The following PDSS2 variants were observed in gnomAD, a reference collection of about 807,000 sequenced individuals.
PDSS2 encodes all trans-polyprenyl-diphosphate synthase PDSS2.
PDSS2 carries 31 observed loss-of-function variants against 44.5 expected under a neutral mutation model. The observed-to-expected ratio is 0.70, with a 90% confidence interval of 0.52 to 0.94. The LOEUF is 0.94. Among genes scored for constraint, PDSS2 ranks in the 40% least tolerant of loss-of-function variants. The pLI is 0.00. For synonymous variants in PDSS2, 157 were observed against 180.3 expected, an observed-to-expected ratio of 0.87 and a Z score of 1.03; for missense variants, 452 against 482.2, an observed-to-expected ratio of 0.94 and a Z score of 0.59.
At chr6:107,320,765 A>G (rs1777355572) in intron 2 of PDSS2, among the ~76,000 whole-genome samples, 1 of 152,234 alleles carries the variant, frequency 6.6e-6, no homozygotes. Context: ...ACAATAATAC[A>G]TGGAGCACTT....
chr6:107,184,727 T>A (rs1772103103), intron 7 of PDSS2, among the ~76,000 whole-genome samples: 1 of 152,166 alleles, frequency 6.6e-6, no homozygotes, highest in Non-Finnish European at 1.5e-5. Flanking sequence ...TCTGGAACCC[T>A]GAGCAAATTC....
chr6:107,164,608 A>G (rs566421570), intron 7 of PDSS2, among the ~76,000 whole-genome samples: 94 of 152,264 alleles, frequency 6.2e-4, no homozygotes, highest in Non-Finnish European at 1.2e-3. Flanking sequence ...GCTATTGTGA[A>G]TAGTGCCGCA....
intron 1 of PDSS2, among the ~76,000 whole-genome samples, chr6:107,349,751 A>AAAAC (rs34141361): frequency 0.29 from 44,688 of 151,542 alleles, 7,551 homozygotes; most frequent in Middle Eastern, 0.49. Context: ...CTCAGCCTCA[A>AAAAC]AAACAAACAA....
chr6:107,365,384 C>A (rs570726444), intron 1 of PDSS2, among the ~76,000 whole-genome samples: 1 of 151,744 alleles, frequency 6.6e-6, no homozygotes, highest in Non-Finnish European at 1.5e-5. Flanking sequence ...CTAAAAAAAA[C>A]ACAAATTGAA....
intron 2 of PDSS2, among the ~76,000 whole-genome samples, chr6:107,312,108 T>C (rs1211403251): frequency 6.6e-6 from 1 of 152,216 alleles, no homozygotes; most frequent in African/African-American, 2.4e-5. Context: ...AATAGCACAG[T>C]GCATGCAGCG....
chr6:107,236,909 G>T (rs780067846), intron 4 of PDSS2, among the ~76,000 whole-genome samples: 1 of 151,860 alleles, frequency 6.6e-6, no homozygotes. Context: ...GCAGGTAGAA[G>T]ACAGTCCTTA....
chr6:107,388,422 C>T (rs992869957), intron 1 of PDSS2, among the ~76,000 whole-genome samples: 2 of 151,120 alleles, frequency 1.3e-5, no homozygotes, highest in East Asian at 3.9e-4. Context: ...TGAAAACTTA[C>T]GTTCATGTAA....
intron 1 of PDSS2, among the ~76,000 whole-genome samples, chr6:107,434,375 T>G (rs1001689704): frequency 2.6e-5 from 4 of 152,164 alleles, no homozygotes; most frequent in Non-Finnish European, 5.9e-5. Flanking sequence ...AACAGATGAG[T>G]GCATAAAGCA....
chr6:107,357,143 G>C (rs1454303434), intron 1 of PDSS2, among the ~76,000 whole-genome samples: 1 of 152,084 alleles, frequency 6.6e-6, no homozygotes, highest in Admixed American at 6.6e-5. Flanking sequence ...ATGCGCACAG[G>C]AGACAGGGAG....
intron 3 of PDSS2, among the ~76,000 whole-genome samples, chr6:107,250,866 T>G (rs1385220576): frequency 2.6e-5 from 4 of 152,172 alleles, no homozygotes; most frequent in African/African-American, 9.7e-5. Context: ...TAAATTTTTT[T>G]TTTTTTGGAG....
At chr6:107,398,388 C>T (rs1780010974) in intron 1 of PDSS2, among the ~76,000 whole-genome samples, 1 of 152,096 alleles carries the variant, frequency 6.6e-6, no homozygotes, top group Non-Finnish European at 1.5e-5. Context: ...TATTAATGTT[C>T]ACATGTAATG....
chr6:107,274,667 C>CTTTTTTTTTTTTTTTTTTTTT (rs5878910), intron 2 of PDSS2, among the ~76,000 whole-genome samples: 3 of 106,556 alleles, frequency 2.8e-5, no homozygotes, highest in Non-Finnish European at 3.9e-5. Flanking sequence ...ATCTCTCTCT[C>CTTTTTTTTTTTTTTTTTTTTT]TTTTTTTTTT....
Position 107,420,661 on chromosome 6 carries a change from C to T in PDSS2, c.296+38329G>A, listed in dbSNP as rs142358376. ...AATAAAATAGAAGCTTGACTTAAAA[C>T]GCACACCGCATACAAAGATCAATGC... On this transcript the variant is annotated intron_variant, in intron 1 of 7. Coordinates refer to ENST00000369037, the MANE Select transcript of PDSS2 (RefSeq NM_020381.4). Among the ~76,000 whole-genome samples, 257 of 152,204 alleles carry T rather than the reference C, an allele frequency of 1.7e-3. 1 individual carries two copies. Among genetic ancestry groups the T allele is most frequent in the Non-Finnish European group, 2.9e-3 (199 of 68,004 alleles).
chr6:107,306,401 G>T (rs1776861155), intron 2 of PDSS2, among the ~76,000 whole-genome samples: 1 of 152,158 alleles, frequency 6.6e-6, no homozygotes, highest in Non-Finnish European at 1.5e-5. Context: ...GATGTGACTT[G>T]CTCCTCCTTG....
rs925148714 is a variant in PDSS2 at position 107,224,608 on chromosome 6, TAGAG to T, written c.703-12330_703-12327del. Reference sequence around the variant, plus strand: ...ATATACAGTTAGAGTAAAATATATATAGAGAGAGTAAAATATACATCTTCACTTA... The same window carrying T: ...ATATACAGTTAGAGTAAAATATATATAGAGTAAAATATACATCTTCACTTA... On this transcript the variant is annotated intron_variant, in intron 4 of 7. Coordinates refer to ENST00000369037, the MANE Select transcript of PDSS2 (RefSeq NM_020381.4). Among the ~76,000 whole-genome samples, 63 of 151,156 alleles carry T rather than the reference TAGAG, an allele frequency of 4.2e-4. 2 individuals are homozygous for T. The highest frequency in any genetic ancestry group is 1.4e-3 in the African/African-American group (57 of 40,624).
At chr6:107,257,679 G>A (rs1775071974) in intron 3 of PDSS2, among the ~76,000 whole-genome samples, 1 of 151,992 alleles carries the variant, frequency 6.6e-6, no homozygotes, top group Non-Finnish European at 1.5e-5. Flanking sequence ...GAGTGCAGTG[G>A]TGCAATCTTG....
At chr6:107,156,436 C>T (rs1342653505) in intron 7 of PDSS2, among the ~76,000 whole-genome samples, 1 of 152,170 alleles carries the variant, frequency 6.6e-6, no homozygotes, top group Non-Finnish European at 1.5e-5. Context: ...CCTTGTGATC[C>T]GCCCACCTCG....
chr6:107,277,314 A>G (rs914434456), intron 2 of PDSS2, among the ~76,000 whole-genome samples: 6 of 152,250 alleles, frequency 3.9e-5, no homozygotes, highest in African/African-American at 1.4e-4. Flanking sequence ...ACTACACATC[A>G]TGACACAGAG....
intron 4 of PDSS2, among the ~76,000 whole-genome samples, chr6:107,228,925 A>G (rs1307286315): frequency 1.3e-5 from 2 of 152,158 alleles, no homozygotes; most frequent in Non-Finnish European, 2.9e-5. Flanking sequence ...GCTTGAACAA[A>G]TGCCCAGCAA....
Sources: gnomAD v4.1 joint callset for allele counts (sites outside exome capture counted in the v4.1 genomes callset) on GRCh38, gnomAD v4.1.1 for gene constraint, MANE v1.5 for transcripts, NCBI Gene and HGNC (gene_info 2026-07-23, HGNC 2026-07-21) for gene names.